KSR2: variants seen among roughly 807,000 people sequenced by gnomAD.
KSR2 encodes the protein kinase suppressor of ras 2.
In KSR2, 25 loss-of-function variants were observed where a neutral mutation model predicts 107.8. That is an observed-to-expected ratio of 0.23 (90% CI 0.17 to 0.32). The LOEUF is 0.32. KSR2 is among the 10% of genes least tolerant of loss of function. The probability of loss-of-function intolerance (pLI) is 1.00; values close to 1 mark genes in which losing one functional copy is unlikely to be tolerated. For synonymous variants in KSR2, 480 were observed against 507.0 expected, an observed-to-expected ratio of 0.95 and a Z score of 0.71; for missense variants, 887 against 1,268.9, an observed-to-expected ratio of 0.70 and a Z score of 4.57.
intron 9 of KSR2, among the ~76,000 whole-genome samples, chr12:117,544,369 T>C (rs879919044): frequency 3.9e-5 from 6 of 152,132 alleles, no homozygotes; most frequent in African/African-American, 7.2e-5. Context: ...CTTGTAATCC[T>C]AGCACTTTGG....
At chr12:117,864,994 A>C (rs1239823136) in intron 1 of KSR2, among the ~76,000 whole-genome samples, 1 of 152,154 alleles carries the variant, frequency 6.6e-6, no homozygotes, top group Admixed American at 6.6e-5. Context: ...CCGTCTGACC[A>C]TCTGTCTGCA....
chr12:117,705,062 T>C (rs1295768186), intron 4 of KSR2, among the ~76,000 whole-genome samples: 1 of 152,138 alleles, frequency 6.6e-6, no homozygotes. Flanking sequence ...GATATGACTA[T>C]GAGCTAGGCA....
chr12:117,559,178 T>G (rs1877937779), intron 7 of KSR2, among the ~76,000 whole-genome samples: 2 of 151,730 alleles, frequency 1.3e-5, no homozygotes, highest in African/African-American at 2.4e-5. Context: ...TGAGATGAGA[T>G]GGGGCAGCTA....
chr12:117,489,548 C>CAAAAA (rs11358177), intron 14 of KSR2, among the ~76,000 whole-genome samples: 2 of 87,242 alleles, frequency 2.3e-5, no homozygotes, highest in African/African-American at 3.9e-5. Flanking sequence ...GACCCTGTCT[C>CAAAAA]AAAAAAAAAA....
In KSR2 at chr12:117,458,311, T is replaced by G. The variant is rs1870721423; in HGVS notation, c.*8888A>C. 6.6e-6 allele frequency: 1 copy of G among 152,188 alleles called. No homozygotes were observed. Among genetic ancestry groups the G allele is most frequent in the African/African-American group, 2.4e-5 (1 of 41,448 alleles). The allele number at this position is 152,188 out of a possible 1,614,324, so 9.4% of individuals were successfully genotyped here. On this transcript the variant is annotated 3_prime_UTR_variant, in exon 20 of 20. Transcript: ENST00000339824. ...CTGGTTATTGTTGGCCTGTATTTAT[T>G]TCCTCCTGATATCCTGGTACCAGCC...
At chr12:117,582,843 G>A (rs1241683987) in intron 5 of KSR2, among the ~76,000 whole-genome samples, 1 of 152,188 alleles carries the variant, frequency 6.6e-6, no homozygotes, top group Non-Finnish European at 1.5e-5. Flanking sequence ...ATGTGCCCTT[G>A]CATGAAAGTT....
chr12:117,660,062 C>T (rs375630381), intron 5 of KSR2, among the ~76,000 whole-genome samples: 1 of 152,154 alleles, frequency 6.6e-6, no homozygotes, highest in Admixed American at 6.5e-5. Context: ...TTCTCAGAAC[C>T]CAGTAGGTAT....
At chr12:117,517,638 C>T (rs910558792) in intron 14 of KSR2, 17 of 352,348 alleles carry the variant, frequency 4.8e-5, no homozygotes, top group East Asian at 7.3e-5. Flanking sequence ...ACATTTATAG[C>T]GCTTCCTTCA....
intron 5 of KSR2, among the ~76,000 whole-genome samples, chr12:117,604,198 T>C (rs138879380): frequency 3.9e-5 from 6 of 152,276 alleles, no homozygotes; most frequent in Non-Finnish European, 8.8e-5. Context: ...GCTTATTGAA[T>C]AGGTATATTC....
chr12:117,661,719 G>A (rs748335604), intron 5 of KSR2, among the ~76,000 whole-genome samples: 4 of 152,164 alleles, frequency 2.6e-5, no homozygotes, highest in Non-Finnish European at 5.9e-5. Flanking sequence ...GAGCAAGAAT[G>A]TGCATTTCTA....
intron 3 of KSR2, among the ~76,000 whole-genome samples, chr12:117,781,089 G>A (rs1761892343): frequency 1.3e-5 from 2 of 152,144 alleles, no homozygotes; most frequent in South Asian, 4.1e-4. Flanking sequence ...CTGTTCTCAT[G>A]GCAGTGAAAA....
At chr12:117,809,070 C>T (rs1327326902) in intron 3 of KSR2, among the ~76,000 whole-genome samples, 5 of 151,994 alleles carry the variant, frequency 3.3e-5, no homozygotes, top group South Asian at 2.1e-4. Flanking sequence ...CCCCACCCCC[C>T]GCCTCTAATC....
chr12:117,584,281 A>T (rs543183906), intron 5 of KSR2, among the ~76,000 whole-genome samples: 13 of 152,162 alleles, frequency 8.5e-5, no homozygotes, highest in Non-Finnish European at 1.6e-4. Flanking sequence ...AGAAAAAAAA[A>T]TTTTTAAGAG....
intron 4 of KSR2, among the ~76,000 whole-genome samples, chr12:117,713,246 C>T (rs1414280514): frequency 6.6e-6 from 1 of 151,390 alleles, no homozygotes; most frequent in Non-Finnish European, 1.5e-5. Context: ...TCTAAGTAGA[C>T]AGATGATTGA....
At chr12:117,578,745 C>T (rs1024137004) in intron 7 of KSR2, among the ~76,000 whole-genome samples, 2 of 152,044 alleles carry the variant, frequency 1.3e-5, no homozygotes, top group Non-Finnish European at 2.9e-5. Flanking sequence ...ATGAAGTTGT[C>T]AAGACTGTTT....
intron 3 of KSR2, among the ~76,000 whole-genome samples, chr12:117,850,157 T>C (rs888886939): frequency 4.6e-5 from 7 of 152,230 alleles, no homozygotes; most frequent in African/African-American, 1.4e-4. Context: ...GGCTCACTGG[T>C]TCCCCCTGGT....
intron 14 of KSR2, among the ~76,000 whole-genome samples, chr12:117,497,361 G>A (rs4766854): frequency 0.059 from 8,973 of 152,162 alleles, 354 homozygotes; most frequent in Middle Eastern, 0.088. Flanking sequence ...GGATCACCAG[G>A]GTAGGTACCT....
intron 14 of KSR2, among the ~76,000 whole-genome samples, chr12:117,488,087 G>A (rs139940410): frequency 6.6e-6 from 1 of 152,078 alleles, no homozygotes; most frequent in Non-Finnish European, 1.5e-5. Flanking sequence ...TTTATAAAGG[G>A]GAGTTCCCCT....
At chr12:117,678,274 G>T (rs1240411539) in intron 4 of KSR2, among the ~76,000 whole-genome samples, 1 of 152,000 alleles carries the variant, frequency 6.6e-6, no homozygotes, top group Non-Finnish European at 1.5e-5. Flanking sequence ...AACCCAATTT[G>T]TCCAGATCCG....
Sources: gnomAD v4.1 joint callset for allele counts (sites outside exome capture counted in the v4.1 genomes callset) on GRCh38, gnomAD v4.1.1 for gene constraint, MANE v1.5 for transcripts, NCBI Gene and HGNC (gene_info 2026-07-23, HGNC 2026-07-21) for gene names.